The following MARCHF1 variants were observed in gnomAD, a reference collection of about 807,000 sequenced individuals.
The protein encoded by MARCHF1 is membrane associated ring-CH-type finger 1.
In MARCHF1, 40 loss-of-function variants were observed where a neutral mutation model predicts 54.2. The ratio of observed to expected loss-of-function variants is 0.74; its 90% confidence interval spans 0.57 to 0.96. The LOEUF (loss-of-function observed/expected upper bound fraction) is 0.96. MARCHF1 is among the 40% of genes least tolerant of loss of function. The pLI is 0.00. For synonymous variants in MARCHF1, 236 were observed against 236.3 expected (o/e 1.00, Z 0.01); for missense variants, 586 against 656.5 (o/e 0.89, Z 1.17).
At chr4:163,620,245 TAA>T (rs1455281921) in intron 5 of MARCHF1, among the ~76,000 whole-genome samples, 1 of 152,128 alleles carries the variant, frequency 6.6e-6, no homozygotes, top group Non-Finnish European at 1.5e-5. Context: ...CAGCACATTT[TAA>T]AGAGATTGAT....
chr4:163,671,880 T>A (rs1201323019), intron 5 of MARCHF1, among the ~76,000 whole-genome samples: 1 of 152,076 alleles, frequency 6.6e-6, no homozygotes, highest in Non-Finnish European at 1.5e-5. Flanking sequence ...GTTCTAAAGA[T>A]TATCTCAACA....
At position 163,527,533 on chromosome 4, in the gene MARCHF1, T is replaced by C. The variant is rs1420089461; in HGVS notation, c.*1215A>G. 6.6e-6 allele frequency: 1 copy of C among 152,124 alleles called. No homozygotes were observed. The highest frequency in any genetic ancestry group is 1.9e-4 in the East Asian group (1 of 5,200). 9.4% of individuals were successfully genotyped at this position (152,124 alleles called of 1,614,324 possible). On this transcript the variant is annotated 3_prime_UTR_variant, in exon 10 of 10. Coordinates refer to ENST00000514618, the MANE Select transcript of MARCHF1 (RefSeq NM_001394959.1). ...CTATAGGCAGATTGATTGTTTTATCTTTCTATACTTTTGGATTTTTACCCT... is the reference window on the plus strand; with the variant it reads ...CTATAGGCAGATTGATTGTTTTATCCTTCTATACTTTTGGATTTTTACCCT...
intron 3 of MARCHF1, among the ~76,000 whole-genome samples, chr4:163,910,742 G>A (rs10015969): frequency 1.3e-5 from 2 of 152,130 alleles, no homozygotes; most frequent in Admixed American, 6.6e-5. Flanking sequence ...GGTGATCCAC[G>A]CACCTTGACC....
At chr4:164,354,317 GA>G (rs1730447620) in intron 1 of MARCHF1, among the ~76,000 whole-genome samples, 1 of 133,686 alleles carries the variant, frequency 7.5e-6, no homozygotes, top group African/African-American at 2.8e-5. Context: ...CCAAAAAAGA[GA>G]ATTTTAGACC....
At chr4:164,133,682 T>G (rs1404862896) in intron 1 of MARCHF1, among the ~76,000 whole-genome samples, 1 of 152,230 alleles carries the variant, frequency 6.6e-6, no homozygotes, top group Non-Finnish European at 1.5e-5. Flanking sequence ...CGGTAAGTTC[T>G]GATAGAAACA....
At chr4:163,845,446 C>A (rs1341956184) in intron 4 of MARCHF1, among the ~76,000 whole-genome samples, 1 of 137,146 alleles carries the variant, frequency 7.3e-6, no homozygotes, top group Non-Finnish European at 1.5e-5. Context: ...TGGGGAGAGA[C>A]AATGCACCTC....
chr4:163,541,934 A>G (rs1223846929), intron 9 of MARCHF1, among the ~76,000 whole-genome samples: 2 of 152,264 alleles, frequency 1.3e-5, no homozygotes, highest in African/African-American at 4.8e-5. Flanking sequence ...TAATTTGAAC[A>G]TAAATACAAA....
At chr4:164,227,705 A>C (rs945087348) in intron 1 of MARCHF1, among the ~76,000 whole-genome samples, 3 of 152,068 alleles carry the variant, frequency 2.0e-5, no homozygotes, top group African/African-American at 7.2e-5. Context: ...TCTTGTACCT[A>C]CTCAATGTTG....
chr4:163,874,348 T>C (rs1409892155), intron 3 of MARCHF1, among the ~76,000 whole-genome samples: 1 of 152,200 alleles, frequency 6.6e-6, no homozygotes, highest in African/African-American at 2.4e-5. Flanking sequence ...AAATCAAGTT[T>C]GGTAGTTCCA....
At chr4:164,046,647 T>C (rs983531758) in intron 2 of MARCHF1, among the ~76,000 whole-genome samples, 1 of 152,208 alleles carries the variant, frequency 6.6e-6, no homozygotes, top group Non-Finnish European at 1.5e-5. Context: ...AGATAAGAAA[T>C]ATTAATCAAA....
At chr4:164,257,663 A>C (rs1021910822) in intron 1 of MARCHF1, among the ~76,000 whole-genome samples, 9 of 152,096 alleles carry the variant, frequency 5.9e-5, no homozygotes, top group African/African-American at 2.2e-4. Context: ...TAGAAATAAA[A>C]AACATAATAA....
intron 4 of MARCHF1, among the ~76,000 whole-genome samples, chr4:163,714,428 A>G (rs1405267707): frequency 6.6e-6 from 1 of 152,242 alleles, no homozygotes; most frequent in Non-Finnish European, 1.5e-5. Context: ...TAATGAAATC[A>G]GTTTGGGGGT....
chr4:164,275,158 T>C (rs1244030402), intron 1 of MARCHF1, among the ~76,000 whole-genome samples: 1 of 151,888 alleles, frequency 6.6e-6, no homozygotes, highest in East Asian at 1.9e-4. Flanking sequence ...TAATAAAATA[T>C]AGTAACTACA....
At chr4:164,016,803 C>T (rs550655134) in intron 2 of MARCHF1, among the ~76,000 whole-genome samples, 4 of 151,762 alleles carry the variant, frequency 2.6e-5, no homozygotes, top group Non-Finnish European at 4.4e-5. Flanking sequence ...AATAAAAGAG[C>T]GGAATTGGAA....
chr4:163,608,851 C>T (rs532013641), intron 7 of MARCHF1, among the ~76,000 whole-genome samples: 24 of 152,116 alleles, frequency 1.6e-4, no homozygotes, highest in African/African-American at 5.5e-4. Flanking sequence ...GCAATTGCTG[C>T]TTCTCTCAGG....
chr4:164,274,659 C>CTTTTTTTTTTT (rs70952617), intron 1 of MARCHF1, among the ~76,000 whole-genome samples: 4 of 44,642 alleles, frequency 9.0e-5, no homozygotes, highest in Non-Finnish European at 1.5e-4. Flanking sequence ...TCAGGGTACA[C>CTTTTTTTTTTT]TTTTTTTTTT....
At chr4:163,712,417 C>T (rs971062692) in intron 4 of MARCHF1, among the ~76,000 whole-genome samples, 1 of 152,108 alleles carries the variant, frequency 6.6e-6, no homozygotes, top group Non-Finnish European at 1.5e-5. Flanking sequence ...TTTAAAAATA[C>T]TAGATACTTT....
chr4:164,261,582 T>A (rs1401080988), intron 1 of MARCHF1, among the ~76,000 whole-genome samples: 2 of 152,178 alleles, frequency 1.3e-5, no homozygotes, highest in Non-Finnish European at 2.9e-5. Flanking sequence ...TCTTGTACCA[T>A]GCTCCTCCTT....
At chr4:163,739,159 C>A (rs1361310605) in intron 4 of MARCHF1, among the ~76,000 whole-genome samples, 2 of 152,142 alleles carry the variant, frequency 1.3e-5, no homozygotes, top group Non-Finnish European at 2.9e-5. Context: ...ACATGGAATG[C>A]ATATTTGTTC....
Sources: gnomAD v4.1 joint callset for allele counts (sites outside exome capture counted in the v4.1 genomes callset) on GRCh38, gnomAD v4.1.1 for gene constraint, MANE v1.5 for transcripts, NCBI Gene and HGNC (gene_info 2026-07-23, HGNC 2026-07-21) for gene names.